The following KLF11 variants were observed in gnomAD, a reference collection of about 807,000 sequenced individuals.
KLF11 encodes Krueppel-like factor 11.
In KLF11, 26 loss-of-function variants were observed where a neutral mutation model predicts 29.9. The observed-to-expected ratio is 0.87, with a 90% CI of 0.64 to 1.21. The LOEUF (loss-of-function observed/expected upper bound fraction) is 1.21, where lower values mean the gene tolerates loss of function less well. KLF11 is among the 50% of genes most tolerant of loss of function. The pLI is 0.00. For missense variants in KLF11, 778 were observed against 665.7 expected, an observed-to-expected ratio of 1.17 and a Z score of -1.86; for synonymous variants, 318 against 257.4, an observed-to-expected ratio of 1.24 and a Z score of -2.25.
rs1307531582 is a variant in KLF11 at position 10,048,101 on chromosome 2, C to T, written c.764C>T (p.Ala255Val). The T allele has an allele frequency of 1.2e-6, 2 of 1,614,128 alleles. No homozygotes were observed. Among genetic ancestry groups the T allele is most frequent in the African/African-American group, 1.3e-5 (1 of 74,946 alleles). Residue 255 changes from alanine to valine, a missense_variant, in exon 3 of 4, where the codon GCA (alanine) becomes GTA (valine). Transcript: ENST00000305883. ...GGCCAGCAGGCAGGGTGGCCTGGTG[C>T]AGTTCAGACTTGCTCACCAAAGAAT... is the stretch of plus-strand genomic sequence containing the variant. Reference protein sequence around the residue: ...DKGQQAGWPGAVQTCSPKNYE... With the variant: ...DKGQQAGWPGVVQTCSPKNYE...
At chr2:10,049,837 T>G (rs1052460301) in intron 3 of KLF11, among the ~76,000 whole-genome samples, 2 of 152,170 alleles carry the variant, frequency 1.3e-5, no homozygotes, top group African/African-American at 2.4e-5. Context: ...GGGTTGGTTG[T>G]TTGCATGGCA....
chr2:10,044,505 A>G, intron 1 of KLF11: 9 of 923,958 alleles, frequency 9.7e-6, no homozygotes, highest in Non-Finnish European at 1.2e-5. Flanking sequence ...TTAGTGGCGC[A>G]GCCTGCGGGA....
At position 10,052,220 on chromosome 2, in the gene KLF11, C is replaced by T. The variant is rs1033726831; in HGVS notation, c.1259-7C>T. The stretch of plus-strand genomic sequence containing the variant: ...TTCTCTTTAATATGTATTTTCTCAC[C>T]TCACAGGGGAGAAGCCTTTCAACTG... On this transcript the variant is annotated splice_region_variant and splice_polypyrimidine_tract_variant and intron_variant, in intron 3 of 3. Transcript: ENST00000305883. 3.1e-6 allele frequency: 5 copies of T among 1,613,942 alleles called. No homozygotes were observed. The Admixed American group carries it at 6.7e-5, about 22-fold the overall frequency.
chr2:10,048,872 G>GC (rs1028338308), intron 3 of KLF11, among the ~76,000 whole-genome samples: 1 of 147,876 alleles, frequency 6.8e-6, no homozygotes, highest in Admixed American at 6.7e-5. Flanking sequence ...GACTTACAGT[G>GC]CCCCCTTCTG....
Position 10,046,324 on chromosome 2 carries a change from A to G in KLF11, c.217A>G (p.Thr73Ala). The G allele has an allele frequency of 1.2e-6, 2 of 1,614,110 alleles. No individual in the cohort carries two copies. Among genetic ancestry groups the G allele is most frequent in the Non-Finnish European group, 1.7e-6 (2 of 1,180,012 alleles). Residue 73 changes from threonine (T) to alanine (A), a missense_variant, in exon 2 of 4, where the codon ACG becomes GCG. Physicochemically the swap from Thr to Ala is moderately conservative, Grantham distance 58. Coordinates refer to ENST00000305883, the MANE Select transcript of KLF11 (RefSeq NM_003597.5). Reference sequence around the variant, plus strand: ...TGACCTGTTGCGGATAAGACCCCTCACGCCTGTCTCTGACTCTGGGGATGT... The same window carrying G: ...TGACCTGTTGCGGATAAGACCCCTCGCGCCTGTCTCTGACTCTGGGGATGT... ...KGDLLRIRPL[T>A]PVSDSGDVTT... is the part of the protein sequence containing the mutation.
chr2:10,050,282 C>T (rs999881565), intron 3 of KLF11, among the ~76,000 whole-genome samples: 3 of 151,472 alleles, frequency 2.0e-5, no homozygotes, highest in Non-Finnish European at 4.4e-5. Flanking sequence ...TGGCGCATGC[C>T]TATAATCCTA....
intron 1 of KLF11, 139 bp from the exon 2 acceptor site, chr2:10,046,011 T>A: frequency 2.1e-6 from 2 of 966,298 alleles, no homozygotes; most frequent in Non-Finnish European, 1.7e-6. Context: ...TTACTACACC[T>A]CGGTGTTTGT....
At chr2:10,052,084 C>G in intron 3 of KLF11, 143 bp from the exon 4 acceptor site, 2 of 876,720 alleles carry the variant, frequency 2.3e-6, no homozygotes, top group Non-Finnish European at 3.8e-6. Flanking sequence ...GATTTCTTGA[C>G]CCAAATCATC....
At position 10,052,614 on chromosome 2, in the gene KLF11, G is replaced by A. The variant is rs140559044; in HGVS notation, c.*107G>A. ...CTCACCCAAAAAAAACGGTCTTGGC[G>A]GCCTAGGGGAAGATCGGGGAGCTGG... On this transcript the variant is annotated 3_prime_UTR_variant, in exon 4 of 4. Transcript: ENST00000305883. 1,522 of 1,213,838 alleles carry A rather than the reference G, an allele frequency of 1.3e-3. 16 individuals are homozygous for A. In the African/African-American group the frequency reaches 0.02, roughly 16 times the overall value. The allele number at this position is 1,213,838 out of a possible 1,614,324, so 75.2% of individuals were successfully genotyped here.
At position 10,052,589 on chromosome 2, in the gene KLF11, C is replaced by T; in HGVS notation, c.*82C>T. The stretch of plus-strand genomic sequence containing the variant: ...AACTGATGGATTCCTCTCCCACTGC[C>T]TCACCCAAAAAAAACGGTCTTGGCG... On this transcript the variant is annotated 3_prime_UTR_variant, in exon 4 of 4. Coordinates refer to ENST00000305883, the MANE Select transcript of KLF11 (RefSeq NM_003597.5). The T allele has an allele frequency of 6.8e-7, 1 of 1,476,558 alleles. No homozygotes were observed. The highest frequency in any genetic ancestry group is 9.3e-7 in the Non-Finnish European group (1 of 1,075,412). 91.5% of individuals were successfully genotyped at this position (1,476,558 alleles called of 1,614,324 possible).
In KLF11 at chr2:10,047,892, C is replaced by T. The variant is rs1284742773; in HGVS notation, c.555C>T (p.Ala185=). ...GACACACTGGGGAGAGCCCTGCTGC[C>T]TGCTTTCCCACCATCCAGACTCCAG... The part of the protein sequence containing the change: ...VIRHTGESPA[A]CFPTIQTPDC... The change falls in exon 3 of 4, where the codon GCC becomes GCT. Residue 185 remains alanine, a synonymous_variant. Transcript: ENST00000305883. 1.2e-6 allele frequency: 2 copies of T among 1,613,840 alleles called. No individual in the cohort carries two copies. The highest frequency in any genetic ancestry group is 1.7e-6 in the Non-Finnish European group (2 of 1,180,040).
At chr2:10,050,937 T>A (rs1177515720) in intron 3 of KLF11, among the ~76,000 whole-genome samples, 1 of 128,290 alleles carries the variant, frequency 7.8e-6, no homozygotes, top group Admixed American at 8.1e-5. Flanking sequence ...AATCTTGCTC[T>A]GTCGCCCAGG....
At chr2:10,044,347 G>A in intron 1 of KLF11, 2 of 985,666 alleles carry the variant, frequency 2.0e-6, no homozygotes, top group Non-Finnish European at 2.4e-6. Flanking sequence ...GGCCCTAAGC[G>A]TCGCGACCTG....
Position 10,047,638 on chromosome 2 carries a change from T to C in KLF11, c.313-12T>C, listed in dbSNP as rs753506272. 1.6e-5 allele frequency: 17 copies of C among 1,033,830 alleles called. No homozygotes were observed. Among genetic ancestry groups the C allele is most frequent in the Non-Finnish European group, 2.3e-5 (17 of 730,882 alleles). The allele number at this position is 1,033,830 out of a possible 1,614,324, so 64.0% of individuals were successfully genotyped here. ...TTAAAGCAACCTTTTAACATGGTAC[T>C]TTTTTTTTTAGTGCATAACTCCTCC... On this transcript the variant is annotated splice_polypyrimidine_tract_variant and intron_variant, in intron 2 of 3. Coordinates refer to ENST00000305883, the MANE Select transcript of KLF11 (RefSeq NM_003597.5).
Position 10,046,424 on chromosome 2 carries a change from G to A in KLF11, c.312+5G>A. On this transcript the variant is annotated splice_donor_5th_base_variant and intron_variant, in intron 2 of 3. Coordinates refer to ENST00000305883, the MANE Select transcript of KLF11 (RefSeq NM_003597.5). ...TTCCATTCTTTATCGACTCTGGTAA[G>A]AGGAGGTGGGAGGGAGGAGCGTTTT... 6.2e-7 allele frequency: 1 copy of A among 1,613,476 alleles called. No homozygotes were observed. The highest frequency in any genetic ancestry group is 8.5e-7 in the Non-Finnish European group (1 of 1,180,036).
Position 10,052,646 on chromosome 2 carries a change from T to G in KLF11, c.*139T>G, listed in dbSNP as rs1256621379. 1 of 814,662 alleles carries G rather than the reference T, an allele frequency of 1.2e-6. No individual in the cohort carries two copies. The highest frequency in any genetic ancestry group is 2.7e-5 in the East Asian group (1 of 37,674). 50.5% of individuals were successfully genotyped at this position (814,662 alleles called of 1,614,324 possible). On this transcript the variant is annotated 3_prime_UTR_variant, in exon 4 of 4. Coordinates refer to ENST00000305883, the MANE Select transcript of KLF11 (RefSeq NM_003597.5). The stretch of plus-strand genomic sequence containing the variant: ...GGGAAGATCGGGGAGCTGGTTTTGA[T>G]GAAAGTATGTTAACTTTTCTTTTCC...
At chr2:10,050,994 C>G (rs184852347) in intron 3 of KLF11, among the ~76,000 whole-genome samples, 6 of 144,722 alleles carry the variant, frequency 4.1e-5, no homozygotes, top group Non-Finnish European at 9.0e-5. Flanking sequence ...CTCTGCCTCC[C>G]GGGTTCACGC....
In KLF11 at chr2:10,047,666, A is replaced by G; in HGVS notation, c.329A>G (p.Gln110Arg). The G allele has an allele frequency of 6.2e-7, 1 of 1,613,160 alleles. No homozygotes were observed. Among genetic ancestry groups the G allele is most frequent in the Non-Finnish European group, 8.5e-7 (1 of 1,179,984 alleles). ...TTTTTTTAGTGCATAACTCCTCCTC[A>G]GAGCCCTGATCTCGTGGAGCCATCG... ...SLSTLCITPPQSPDLVEPSTR... is the reference protein window; with the variant it reads ...SLSTLCITPPRSPDLVEPSTR... Residue 110 changes from glutamine (Q) to arginine (R), a missense_variant, in exon 3 of 4, where the codon CAG becomes CGG. Coordinates refer to ENST00000305883, the MANE Select transcript of KLF11 (RefSeq NM_003597.5).
Position 10,043,682 on chromosome 2 carries a change from C to A in KLF11, c.-35C>A. On this transcript the variant is annotated 5_prime_UTR_variant, in exon 1 of 4. Transcript: ENST00000305883. ...CGCTGCTGCGCCCGAGCTCACGCCC[C>A]GCGGCCGCTTTGTTGCTCCCGGCCG... 1 of 1,295,830 alleles carries A rather than the reference C, an allele frequency of 7.7e-7. No homozygotes were observed. Among genetic ancestry groups the A allele is most frequent in the Non-Finnish European group, 1.0e-6 (1 of 1,002,570 alleles). The allele number at this position is 1,295,830 out of a possible 1,614,324, so 80.3% of individuals were successfully genotyped here.
Sources: allele counts gnomAD v4.1 joint callset (sites outside exome capture counted in the v4.1 genomes callset), GRCh38; gene constraint gnomAD v4.1.1; transcripts MANE v1.5; gene names NCBI Gene and HGNC (gene_info 2026-07-23, HGNC 2026-07-21).